The following PCLO variants were observed in gnomAD, a reference collection of about 807,000 sequenced individuals.
PCLO encodes piccolo presynaptic cytomatrix protein.
A neutral mutation model predicts 427.5 loss-of-function variants in PCLO; 82 were observed. The observed-to-expected ratio is 0.19, with a 90% CI of 0.16 to 0.23. The LOEUF (loss-of-function observed/expected upper bound fraction) is 0.23, where lower values mean the gene tolerates loss of function less well. Among genes scored for constraint, PCLO ranks in the 10% least tolerant of loss-of-function variants. The probability of loss-of-function intolerance (pLI) is 1.00; values close to 1 mark genes in which losing one functional copy is unlikely to be tolerated. For synonymous variants in PCLO, 2,357 were observed against 2,155.4 expected (o/e 1.09, Z -2.59); for missense variants, 6,239 against 6,115.9 (o/e 1.02, Z -0.67).
chr7:83,012,975 A>T (rs1788121474), intron 3 of PCLO, among the ~76,000 whole-genome samples: 1 of 152,116 alleles, frequency 6.6e-6, no homozygotes, highest in African/African-American at 2.4e-5. Context: ...CACACTGGAA[A>T]GAAGGTGATG....
At chr7:82,824,539 G>GAAGAAAGA in intron 18 of PCLO, 123 bp from the exon 19 acceptor site, 1 of 522,518 alleles carries the variant, frequency 1.9e-6, no homozygotes, top group Non-Finnish European at 3.2e-6. Context: ...AACTTTTGAG[G>GAAGAAAGA]ATGATGATTC....
intron 3 of PCLO, among the ~76,000 whole-genome samples, chr7:83,022,831 A>G (rs1448783401): frequency 6.6e-6 from 1 of 152,198 alleles, no homozygotes. Context: ...AAAAAAAACT[A>G]TCTGAAAGCC....
intron 6 of PCLO, among the ~76,000 whole-genome samples, chr7:82,944,940 AAG>A (rs1795167067): frequency 2.6e-5 from 4 of 152,206 alleles, no homozygotes; most frequent in Admixed American, 2.6e-4. Flanking sequence ...CCAAATGAAG[AAG>A]AGTTCTACTG....
intron 3 of PCLO, among the ~76,000 whole-genome samples, chr7:83,015,383 G>A: frequency 6.6e-6 from 1 of 151,384 alleles, no homozygotes. Flanking sequence ...AGAGTGGGAG[G>A]GAATCTGACC....
At chr7:82,853,119 A>C (rs2115857883) in intron 10 of PCLO, among the ~76,000 whole-genome samples, 1 of 152,214 alleles carries the variant, frequency 6.6e-6, no homozygotes, top group East Asian at 1.9e-4. Context: ...CCATTTATAA[A>C]ATTTTGAAGT....
chr7:82,820,475 A>C, intron 20 of PCLO: 1 of 1,175,288 alleles, frequency 8.5e-7, no homozygotes, highest in Non-Finnish European at 1.1e-6. Context: ...AGAACCCAGT[A>C]GTTTATGAAT....
chr7:83,062,120 T>C (rs1335848341), intron 3 of PCLO, among the ~76,000 whole-genome samples: 1 of 152,124 alleles, frequency 6.6e-6, no homozygotes, highest in Non-Finnish European at 1.5e-5. Context: ...GGATTTTATT[T>C]CATGGAGTTG....
intron 20 of PCLO, among the ~76,000 whole-genome samples, chr7:82,812,499 G>A (rs1684958687): frequency 6.6e-6 from 1 of 151,504 alleles, no homozygotes; most frequent in Non-Finnish European, 1.5e-5. Flanking sequence ...TATAGTTTAA[G>A]TGAGAATTAA....
At chr7:83,118,667 C>A (rs1477380357) in intron 3 of PCLO, among the ~76,000 whole-genome samples, 3 of 152,186 alleles carry the variant, frequency 2.0e-5, no homozygotes, top group Non-Finnish European at 4.4e-5. Context: ...CAGCCCCAGC[C>A]AGAGGGGAAT....
Position 83,134,920 on chromosome 7 carries a change from G to A in PCLO, c.2630C>T (p.Thr877Ile). ...AGCGGTAGGTCGTGGGCCAGGGGGT[G>A]TTGGTGACCCTTTTGGCATTGGCTT... ...DAKPMPKGSP[T>I]PPGPRPTAGQ... Residue 877 changes from threonine (T) to isoleucine (I), a missense_variant, in exon 3 of 25, where the codon ACA (threonine) becomes ATA (isoleucine). Physicochemically the swap from Thr to Ile is moderately conservative, Grantham distance 89. Coordinates refer to ENST00000333891, the MANE Select transcript of PCLO (RefSeq NM_033026.6). The A allele has an allele frequency of 1.2e-6, 2 of 1,604,414 alleles. No individual in the cohort carries two copies. Among genetic ancestry groups the A allele is most frequent in the Non-Finnish European group, 8.5e-7 (1 of 1,175,700 alleles).
chr7:82,922,836 T>A lies in PCLO; in HGVS notation c.11113-5963A>T, dbSNP rs369403064. ...CTTCTAAACCATTCTGAAACCATCA[T>A]ACTGCTAGAGAGACATAGCAACATA... is the stretch of plus-strand genomic sequence containing the variant. On this transcript the variant is annotated intron_variant, in intron 6 of 24. Transcript: ENST00000333891. Among the ~76,000 whole-genome samples the A allele has an allele frequency of 3.3e-5, 5 of 152,186 alleles. No individual in the cohort carries two copies. In the South Asian group the frequency reaches 6.2e-4, roughly 19 times the overall value.
chr7:83,116,899 G>A (rs1791148755), intron 3 of PCLO, among the ~76,000 whole-genome samples: 1 of 152,044 alleles, frequency 6.6e-6, no homozygotes, highest in Admixed American at 6.6e-5. Context: ...CCATGTTTAT[G>A]GTAGCATTAT....
chr7:83,001,925 G>C (rs1787834581), intron 3 of PCLO, among the ~76,000 whole-genome samples: 1 of 152,000 alleles, frequency 6.6e-6, no homozygotes, highest in African/African-American at 2.4e-5. Flanking sequence ...GGGATTCTGA[G>C]AGGTGTGACT....
Position 82,916,718 on chromosome 7 carries a change from T to G in PCLO, c.11268A>C (p.Thr3756=). ...CCTGGAGAATCTTGGCTCGTGCCATTGTGTTGGTTCTGCAGATCCTTCTCC... is the reference window on the plus strand; with the variant it reads ...CCTGGAGAATCTTGGCTCGTGCCATGGTGTTGGTTCTGCAGATCCTTCTCC... ...VSRRRICRTN[T]MARAKILQDI... is the part of the protein sequence containing the mutation. The change falls in exon 7 of 25, where the codon ACA becomes ACC. Residue 3756 remains threonine (T), a synonymous_variant. Transcript: ENST00000333891. 1 of 1,613,652 alleles carries G rather than the reference T, an allele frequency of 6.2e-7. No individual in the cohort carries two copies. Among genetic ancestry groups the G allele is most frequent in the Non-Finnish European group, 8.5e-7 (1 of 1,179,720 alleles).
intron 2 of PCLO, among the ~76,000 whole-genome samples, chr7:83,140,617 C>T (rs1001642911): frequency 1.2e-4 from 18 of 152,116 alleles, no homozygotes; most frequent in African/African-American, 4.3e-4. Flanking sequence ...TTTAACTGTG[C>T]TCTGTGTTTA....
chr7:83,104,282 A>G (rs1790802068), intron 3 of PCLO, among the ~76,000 whole-genome samples: 1 of 152,060 alleles, frequency 6.6e-6, no homozygotes, highest in African/African-American at 2.4e-5. Flanking sequence ...TTCGGTCTTA[A>G]ATCATACTTG....
At chr7:82,792,684 C>T (rs1791129792) in intron 22 of PCLO, among the ~76,000 whole-genome samples, 1 of 152,122 alleles carries the variant, frequency 6.6e-6, no homozygotes, top group Non-Finnish European at 1.5e-5. Flanking sequence ...TCTCACATAT[C>T]TCAACCCGTT....
intron 9 of PCLO, among the ~76,000 whole-genome samples, chr7:82,893,136 C>G (rs553179572): frequency 0.03 from 4,561 of 151,204 alleles, 257 homozygotes; most frequent in African/African-American, 0.11. Context: ...ATGGTTATTG[C>G]GGCACTATTC....
intron 14 of PCLO, among the ~76,000 whole-genome samples, chr7:82,839,154 CT>C (rs1373199340): frequency 6.6e-6 from 1 of 151,926 alleles, no homozygotes; most frequent in African/African-American, 2.4e-5. Flanking sequence ...TTTGATGTTA[CT>C]TTTGTTTGTT....
Sources: allele counts gnomAD v4.1 joint callset (sites outside exome capture counted in the v4.1 genomes callset), GRCh38; gene constraint gnomAD v4.1.1; transcripts MANE v1.5; gene names NCBI Gene and HGNC (gene_info 2026-07-23, HGNC 2026-07-21).